HS6ST2: variants seen among roughly 807,000 people sequenced by gnomAD.
The protein encoded by HS6ST2 is heparan-sulfate 6-O-sulfotransferase 2.
HS6ST2 carries 17 observed loss-of-function variants against 33.0 expected under a neutral mutation model. The observed-to-expected ratio is 0.52, with a 90% confidence interval of 0.35 to 0.77. The LOEUF (loss-of-function observed/expected upper bound fraction) is 0.77, where lower values mean the gene tolerates loss of function less well. Among genes scored for constraint, HS6ST2 ranks in the 30% least tolerant of loss-of-function variants. HS6ST2 has a pLI of 0.01. For missense variants in HS6ST2, 519 were observed against 551.7 expected, an observed-to-expected ratio of 0.94 and a Z score of 0.59; for synonymous variants, 248 against 237.1, an observed-to-expected ratio of 1.05 and a Z score of -0.42.
chrX:132,768,604 A>G (rs2064870902), intron 2 of HS6ST2, among the ~76,000 whole-genome samples: 1 of 112,216 alleles, frequency 8.9e-6, no homozygotes, highest in Non-Finnish European at 1.9e-5. Context: ...CCAGCAACTG[A>G]GCTATGCAAA....
rs751148438 is a variant in HS6ST2 at position 132,809,573 on chromosome X, T to A, written c.948-101079A>T. On this transcript the variant is annotated intron_variant, in intron 2 of 4. Transcript: ENST00000370833. ...ACATTTTAACTAAGGATCTGAGCAA[T>A]GAAAACCTCATACAACTGGCTAAAT... Among the ~76,000 whole-genome samples the A allele has an allele frequency of 8.0e-5, 9 of 111,894 alleles. No individual in the cohort carries two copies. In the East Asian group the frequency reaches 1.4e-3, roughly 18 times the overall value.
intron 2 of HS6ST2, among the ~76,000 whole-genome samples, chrX:132,877,167 G>C (rs984065494): frequency 8.9e-6 from 1 of 111,852 alleles, no homozygotes. Flanking sequence ...GGACAGTCCC[G>C]AGAGGGGAAT....
chrX:132,872,807 C>T (rs1027697290), intron 2 of HS6ST2, among the ~76,000 whole-genome samples: 9 of 111,471 alleles, frequency 8.1e-5, no homozygotes, highest in African/African-American at 2.3e-4. Flanking sequence ...CACAAAGAGG[C>T]CTTACAACAT....
chrX:132,633,509 G>A (rs990340890), intron 4 of HS6ST2, among the ~76,000 whole-genome samples: 1 of 110,939 alleles, frequency 9.0e-6, no homozygotes, highest in Admixed American at 9.6e-5. Context: ...GGGATTCGGG[G>A]GAGAAAGAGG....
At chrX:132,656,439 A>AT (rs1239720153) in intron 4 of HS6ST2, among the ~76,000 whole-genome samples, 1 of 110,566 alleles carries the variant, frequency 9.0e-6, no homozygotes, top group Non-Finnish European at 1.9e-5. Flanking sequence ...GGGCTTTTGT[A>AT]TTTTTTATTT....
intron 2 of HS6ST2, among the ~76,000 whole-genome samples, chrX:132,741,917 C>G: frequency 9.0e-6 from 1 of 111,715 alleles, no homozygotes; most frequent in Non-Finnish European, 1.9e-5. Context: ...ATAACAATGC[C>G]AACTCCATAG....
intron 2 of HS6ST2, among the ~76,000 whole-genome samples, chrX:132,775,616 T>C (rs1602662947): frequency 8.9e-6 from 1 of 112,116 alleles, no homozygotes; most frequent in East Asian, 2.8e-4. Flanking sequence ...GCTTGAATAA[T>C]ACTGAGCCTT....
chrX:132,778,323 A>G (rs2064984074), intron 2 of HS6ST2, among the ~76,000 whole-genome samples: 1 of 112,352 alleles, frequency 8.9e-6, no homozygotes. Flanking sequence ...TATAAATTCA[A>G]CTCAATAAAG....
intron 2 of HS6ST2, among the ~76,000 whole-genome samples, chrX:132,911,799 G>C (rs1431433823): frequency 1.8e-5 from 2 of 110,489 alleles, no homozygotes; most frequent in Non-Finnish European, 3.8e-5. Flanking sequence ...CACCACGCCT[G>C]GCTAATTTTT....
chrX:132,937,185 A>T (rs748520418), intron 2 of HS6ST2, among the ~76,000 whole-genome samples: 2 of 112,068 alleles, frequency 1.8e-5, no homozygotes, highest in East Asian at 5.6e-4. Context: ...AAAACTCTGA[A>T]GAAATTGAAG....
intron 2 of HS6ST2, among the ~76,000 whole-genome samples, chrX:132,776,063 C>CA (rs2064954911): frequency 2.7e-5 from 2 of 72,938 alleles, no homozygotes; most frequent in Admixed American, 1.2e-4. Context: ...TGAAGTTTGA[C>CA]AAAATGAAAA....
chrX:132,960,339 C>T (rs769111042), upstream of HS6ST2, among the ~76,000 whole-genome samples: 3 of 110,483 alleles, frequency 2.7e-5, no homozygotes, highest in South Asian at 4.1e-4. Flanking sequence ...CTTTAGCCTA[C>T]CCAATAGGTG....
chrX:132,646,535 TAA>T (rs34230779), intron 4 of HS6ST2, among the ~76,000 whole-genome samples: 5 of 67,224 alleles, frequency 7.4e-5, no homozygotes, highest in Admixed American at 1.7e-4. Context: ...CCCTGTCTCT[TAA>T]AAAAAAAAAA....
At chrX:132,677,261 T>A (rs1415386656) in intron 3 of HS6ST2, among the ~76,000 whole-genome samples, 2 of 111,780 alleles carry the variant, frequency 1.8e-5, no homozygotes, top group African/African-American at 6.5e-5. Flanking sequence ...GCCTATTCAT[T>A]TGGAGGTGAG....
intron 2 of HS6ST2, among the ~76,000 whole-genome samples, chrX:132,841,980 G>A (rs1180026365): frequency 8.9e-6 from 1 of 111,922 alleles, no homozygotes; most frequent in Non-Finnish European, 1.9e-5. Flanking sequence ...AAGACGTTGG[G>A]TTAAGGAGGA....
At chrX:132,693,452 G>A in intron 3 of HS6ST2, among the ~76,000 whole-genome samples, 1 of 111,658 alleles carries the variant, frequency 9.0e-6, no homozygotes, top group Non-Finnish European at 1.9e-5. Flanking sequence ...TCTAACTGGT[G>A]TCTAGGGAAA....
chrX:132,874,916 GGC>G lies in HS6ST2; in HGVS notation c.947+81890_947+81891del, dbSNP rs2066096376. The stretch of plus-strand genomic sequence containing the variant: ...AACACCTCCTCCTCTGGAAGGGGGG[GGC>G]GGCCCATGGCAGAAAATGGGCAGCA... On this transcript the variant is annotated intron_variant, in intron 2 of 4. Transcript: ENST00000370833. Among the ~76,000 whole-genome samples the G allele has an allele frequency of 9.9e-5, 11 of 111,541 alleles. No homozygotes were observed. The South Asian group carries it at 3.5e-3, about 35-fold the overall frequency.
At chrX:132,726,168 C>T (rs1170269471) in intron 2 of HS6ST2, among the ~76,000 whole-genome samples, 2 of 110,352 alleles carry the variant, frequency 1.8e-5, no homozygotes, top group Admixed American at 9.6e-5. Context: ...GGTGTGTAAT[C>T]AGGCTGTTTG....
chrX:132,687,745 A>G (rs1268326642), intron 3 of HS6ST2, among the ~76,000 whole-genome samples: 4 of 109,454 alleles, frequency 3.7e-5, no homozygotes, highest in East Asian at 2.9e-4. Flanking sequence ...AGAAGACACT[A>G]GTCAACATTT....
Sources: gnomAD v4.1 joint callset for allele counts (sites outside exome capture counted in the v4.1 genomes callset) on GRCh38, gnomAD v4.1.1 for gene constraint, MANE v1.5 for transcripts, NCBI Gene and HGNC (gene_info 2026-07-23, HGNC 2026-07-21) for gene names.